The following ASS1 variants were observed in gnomAD, a reference collection of about 807,000 sequenced individuals.
The protein encoded by ASS1 is argininosuccinate synthase 1.
Under a neutral mutation model 60.5 loss-of-function variants are expected in ASS1, and 58 were observed. The observed-to-expected ratio is 0.96, with a 90% CI of 0.78 to 1.19. The LOEUF (loss-of-function observed/expected upper bound fraction) is 1.19, where lower values mean the gene tolerates loss of function less well. Ranked by LOEUF, ASS1 falls within the 50% of genes most tolerant of loss-of-function variation. The pLI is 0.00. For missense variants in ASS1, 454 were observed against 547.3 expected, an observed-to-expected ratio of 0.83 and a Z score of 1.70; for synonymous variants, 200 against 206.9, an observed-to-expected ratio of 0.97 and a Z score of 0.29.
At chr9:130,453,594 C>A (rs1375663266) in intron 2 of ASS1, among the ~76,000 whole-genome samples, 1 of 152,160 alleles carries the variant, frequency 6.6e-6, no homozygotes, top group Non-Finnish European at 1.5e-5. Flanking sequence ...CGTATAGACC[C>A]CTGGGCTACC....
chr9:130,492,567 TC>T (rs1846474323), intron 12 of ASS1, among the ~76,000 whole-genome samples: 1 of 152,158 alleles, frequency 6.6e-6, no homozygotes, highest in South Asian at 2.1e-4. Context: ...GCAGACTGTC[TC>T]CAGGAGTGGC....
At chr9:130,483,269 G>A (rs10901080) in intron 11 of ASS1, among the ~76,000 whole-genome samples, 7 of 151,096 alleles carry the variant, frequency 4.6e-5, no homozygotes, top group African/African-American at 1.5e-4. Flanking sequence ...TCCGTATCTC[G>A]GTGTACAAGG....
In ASS1 at chr9:130,491,664, C is replaced by T. The variant is rs561153003; in HGVS notation, c.970+2200C>T. ...ACAGTTTGGCTCCTGGCTGCGGTCA[C>T]GATGCCTCTACACTGGACTGGCTGG... On this transcript the variant is annotated intron_variant, in intron 12 of 14. Coordinates refer to ENST00000352480, the MANE Select transcript of ASS1 (RefSeq NM_054012.4). The surrounding 1 kb of genome is among the most constrained non-coding windows in gnomAD (Gnocchi z 5.3). Among the ~76,000 whole-genome samples the T allele has an allele frequency of 7.7e-4, 117 of 152,278 alleles. 1 individual carries two copies. Among genetic ancestry groups the T allele is most frequent in the Admixed American group, 6.7e-3 (102 of 15,308 alleles).
In ASS1 at chr9:130,460,187, CTG is replaced by C. The variant is rs1174922331; in HGVS notation, c.363+1601_363+1602del. On this transcript the variant is annotated intron_variant, in intron 4 of 14. Transcript: ENST00000352480. The stretch of plus-strand genomic sequence containing the variant: ...GCTCACTGTGGGAGGTCCTGGCTCA[CTG>C]TGGTGCAGGGACACACACAGCTAAG... Among the ~76,000 whole-genome samples, 6 of 152,290 alleles carry C rather than the reference CTG, an allele frequency of 3.9e-5. No individual in the cohort carries two copies. The East Asian group carries it at 1.2e-3, about 29-fold the overall frequency.
At chr9:130,483,500 C>T (rs1846220098) in intron 11 of ASS1, among the ~76,000 whole-genome samples, 1 of 146,104 alleles carries the variant, frequency 6.8e-6, no homozygotes, top group East Asian at 2.1e-4. Flanking sequence ...ATGTCATTAT[C>T]ACATTATCTT....
rs753543907 is a variant in ASS1 at position 130,471,480 on chromosome 9, C to T, written c.567-5C>T. 2.7e-5 allele frequency: 44 copies of T among 1,614,006 alleles called. No homozygotes were observed. The highest frequency in any genetic ancestry group is 1.6e-4 in the Middle Eastern group (1 of 6,082). ...CTGACCCTGTCTTTCCTTTCCCCTC[C>T]GCAGCTACGAGGCTGGAATCCTGGA... On this transcript the variant is annotated splice_region_variant and splice_polypyrimidine_tract_variant and intron_variant, in intron 7 of 14. Transcript: ENST00000352480.
At chr9:130,467,349 G>A (rs1318462963) in intron 6 of ASS1, among the ~76,000 whole-genome samples, 4 of 152,138 alleles carry the variant, frequency 2.6e-5, no homozygotes, top group Admixed American at 2.6e-4. Context: ...TAGAAGTTTT[G>A]CATCAAGATC....
Position 130,458,541 on chromosome 9 carries a change from C to T in ASS1, c.315C>T (p.Ile105=), listed in dbSNP as rs953220613. 16 of 1,613,252 alleles carry T rather than the reference C, an allele frequency of 9.9e-6. No individual in the cohort carries two copies. Among genetic ancestry groups the T allele is most frequent in the African/African-American group, 2.7e-5 (2 of 74,910 alleles). ...RPCIARKQVE[I]AQREGAKYVS... ...GCATCGCCCGCAAACAAGTGGAAAT[C>T]GCCCAGCGGGAGGGGGCCAAGTATG... The change falls in exon 4 of 15, where the codon ATC becomes ATT. Residue 105 remains isoleucine (I), a synonymous_variant. Coordinates refer to ENST00000352480, the MANE Select transcript of ASS1 (RefSeq NM_054012.4).
At chr9:130,482,904 A>C (rs1002923643) in intron 11 of ASS1, among the ~76,000 whole-genome samples, 3 of 152,152 alleles carry the variant, frequency 2.0e-5, no homozygotes, top group African/African-American at 4.8e-5. Context: ...CAGGGAAGAA[A>C]ATCGGGATTC....
rs778581866 is a variant in ASS1, at chr9:130,476,421, G to A, written c.598-450G>A. ...ATTAACCTTGGGGACCCTGGGGACG[G>A]CTCGGCTTGCCAGAGCACCTGCTGG... is the stretch of plus-strand genomic sequence containing the variant. On this transcript the variant is annotated intron_variant, in intron 8 of 14. Transcript: ENST00000352480. This position sits in a 1 kb window ranked among gnomAD's most constrained non-coding sequence, Gnocchi z 4.9. 1 of 211,412 alleles carries A rather than the reference G, an allele frequency of 4.7e-6. No homozygotes were observed. 13.1% of individuals were successfully genotyped at this position (211,412 alleles called of 1,614,324 possible).
rs918290547 is a variant in ASS1, at chr9:130,478,727, C to T, written c.689-989C>T. Among the ~76,000 whole-genome samples, 4 of 152,084 alleles carry T rather than the reference C, an allele frequency of 2.6e-5. No individual in the cohort carries two copies. Among genetic ancestry groups the T allele is most frequent in the African/African-American group, 2.4e-5 (1 of 41,494 alleles). ...GGGAGAGAAAGGGAGAGAGGAGAGG[C>T]GGGGGGTGGTGAGAGGGGCTTAAGG... On this transcript the variant is annotated intron_variant, in intron 9 of 14. Transcript: ENST00000352480. The surrounding 1 kb of genome is among the most constrained non-coding windows in gnomAD (Gnocchi z 4.7).
chr9:130,496,190 G>A (rs1430723101), intron 13 of ASS1, among the ~76,000 whole-genome samples: 2 of 152,236 alleles, frequency 1.3e-5, no homozygotes, highest in South Asian at 2.1e-4. Context: ...GGAGGCCAAG[G>A]CAGGAGGATC....
chr9:130,452,420 G>T (rs1366322607), intron 2 of ASS1, 87 bp downstream of exon 2: 4 of 1,184,442 alleles, frequency 3.4e-6, no homozygotes, highest in Non-Finnish European at 1.3e-6. Context: ...TGGGTTGTCA[G>T]CCTGTCTGCT....
chr9:130,496,694 G>T (rs1168970846), intron 13 of ASS1, among the ~76,000 whole-genome samples: 1 of 152,108 alleles, frequency 6.6e-6, no homozygotes, highest in Non-Finnish European at 1.5e-5. Flanking sequence ...CCCTGGAGGG[G>T]CAGGAGGGCC....
chr9:130,486,232 C>T (rs983731967), intron 11 of ASS1, among the ~76,000 whole-genome samples: 10 of 152,238 alleles, frequency 6.6e-5, no homozygotes, highest in South Asian at 2.1e-4. Context: ...GCTAGGACCA[C>T]GGGCACATGC....
chr9:130,464,144 T>A lies in ASS1; in HGVS notation c.397T>A (p.Tyr133Asn). The A allele has an allele frequency of 1.9e-6, 3 of 1,613,774 alleles. No homozygotes were observed. The highest frequency in any genetic ancestry group is 2.5e-6 in the Non-Finnish European group (3 of 1,179,938). ...TCAGGTCCGGTTTGAGCTCAGCTGC[T>A]ACTCACTGGCCCCCCAGATAAAGGT... ...NDQVRFELSC[Y>N]SLAPQIKVIA... The change falls in exon 5 of 15, where the codon TAC becomes AAC. Residue 133 changes from tyrosine (Y) to asparagine (N), a missense_variant. Coordinates refer to ENST00000352480, the MANE Select transcript of ASS1 (RefSeq NM_054012.4).
chr9:130,475,886 A>G (rs1846003657), intron 8 of ASS1, among the ~76,000 whole-genome samples: 1 of 151,784 alleles, frequency 6.6e-6, no homozygotes, highest in Non-Finnish European at 1.5e-5. Flanking sequence ...CCTCCTGAGT[A>G]GCTGGGACTA....
At chr9:130,456,421 A>G (rs1015102218) in intron 3 of ASS1, among the ~76,000 whole-genome samples, 13 of 151,802 alleles carry the variant, frequency 8.6e-5, no homozygotes, top group Non-Finnish European at 7.4e-5. Context: ...AGCTGAAATC[A>G]CACCATTGCA....
chr9:130,449,208 G>A (rs1845269157), intron 1 of ASS1, among the ~76,000 whole-genome samples: 1 of 152,108 alleles, frequency 6.6e-6, no homozygotes, highest in South Asian at 2.1e-4. Flanking sequence ...GCATGTGCCT[G>A]TAGTCCCAGC....
Sources: gnomAD v4.1 joint callset for allele counts (sites outside exome capture counted in the v4.1 genomes callset) on GRCh38, gnomAD v4.1.1 for gene constraint, Gnocchi (gnomAD v3.1) non-coding constraint, MANE v1.5 for transcripts, NCBI Gene and HGNC (gene_info 2026-07-23, HGNC 2026-07-21) for gene names.